The following FAM13A variants were observed in gnomAD, a reference collection of about 807,000 sequenced individuals.
The protein encoded by FAM13A is protein FAM13A.
A neutral mutation model predicts 129.6 loss-of-function variants in FAM13A; 76 were observed. The ratio of observed to expected loss-of-function variants is 0.59; its 90% CI spans 0.49 to 0.71. FAM13A has a LOEUF of 0.71. FAM13A is among the 30% of genes least tolerant of loss of function. FAM13A has a pLI of 0.00. For synonymous variants in FAM13A, 443 were observed against 449.9 expected, an observed-to-expected ratio of 0.98 and a Z score of 0.20; for missense variants, 1,108 against 1,249.3, an observed-to-expected ratio of 0.89 and a Z score of 1.70.
At chr4:88,822,888 T>C in intron 7 of FAM13A, 1 of 1,560,194 alleles carries the variant, frequency 6.4e-7, no homozygotes, top group Non-Finnish European at 8.7e-7. Context: ...AGCATGTTAC[T>C]AAAAGATGCC....
Position 88,869,402 on chromosome 4 carries a change from G to A in FAM13A, c.844-18219C>T, listed in dbSNP as rs1374777428. Among the ~76,000 whole-genome samples the A allele has an allele frequency of 2.0e-5, 3 of 152,092 alleles. No homozygotes were observed. In the South Asian group the frequency reaches 6.2e-4, roughly 32 times the overall value. On this transcript the variant is annotated intron_variant, in intron 6 of 23. Coordinates refer to ENST00000264344, the MANE Select transcript of FAM13A (RefSeq NM_014883.4). ...GCAGGTACTTCTGCTTCTTTCACTG[G>A]GCTTCAGCCTCCTGCAGTGGCCTCC...
At chr4:88,930,255 T>G (rs1436328803) in intron 5 of FAM13A, among the ~76,000 whole-genome samples, 2 of 152,220 alleles carry the variant, frequency 1.3e-5, no homozygotes, top group Non-Finnish European at 2.9e-5. Flanking sequence ...CCTATTTCCA[T>G]GCTTTTTCAT....
At chr4:88,908,980 A>G (rs1748597282) in intron 5 of FAM13A, among the ~76,000 whole-genome samples, 1 of 152,210 alleles carries the variant, frequency 6.6e-6, no homozygotes, top group Non-Finnish European at 1.5e-5. Flanking sequence ...ACCTAAGCAA[A>G]TAACTGGTGA....
chr4:88,754,212 T>C (rs1382399101), intron 14 of FAM13A, among the ~76,000 whole-genome samples: 1 of 152,182 alleles, frequency 6.6e-6, no homozygotes, highest in African/African-American at 2.4e-5. Context: ...CCCAGGTCAG[T>C]TGACATTGCA....
chr4:88,980,182 A>G (rs976509135), intron 4 of FAM13A, among the ~76,000 whole-genome samples: 6 of 152,196 alleles, frequency 3.9e-5, no homozygotes, highest in African/African-American at 1.2e-4. Flanking sequence ...ATCTTTAGTC[A>G]TGTGAGCATG....
At chr4:88,962,776 T>A (rs986344088) in intron 4 of FAM13A, among the ~76,000 whole-genome samples, 1 of 152,082 alleles carries the variant, frequency 6.6e-6, no homozygotes, top group Non-Finnish European at 1.5e-5. Flanking sequence ...TGCATAATAG[T>A]CCCAAATTGA....
chr4:88,856,790 C>T (rs548307668), intron 6 of FAM13A, among the ~76,000 whole-genome samples: 5 of 152,290 alleles, frequency 3.3e-5, no homozygotes, highest in African/African-American at 1.2e-4. Flanking sequence ...GATGGCAAAG[C>T]TTCTTGCCTC....
chr4:88,964,213 C>G (rs1471025209), intron 4 of FAM13A, among the ~76,000 whole-genome samples: 1 of 152,100 alleles, frequency 6.6e-6, no homozygotes, highest in Admixed American at 6.6e-5. Flanking sequence ...TCAATTCAGT[C>G]CAAGAAATAT....
In FAM13A at chr4:89,029,656, G is replaced by A. The variant is rs757824351; in HGVS notation, c.28-7C>T. 1.2e-5 allele frequency: 19 copies of A among 1,568,668 alleles called. No individual in the cohort carries two copies. The Admixed American group carries it at 4.0e-4, about 33-fold the overall frequency. On this transcript the variant is annotated splice_polypyrimidine_tract_variant and splice_region_variant and intron_variant, in intron 1 of 23. Coordinates refer to ENST00000264344, the MANE Select transcript of FAM13A (RefSeq NM_014883.4). ...GAACCGCTGCTTTACTTTGCTTAAA[G>A]GAGCGTAAGAAAAAAGAGCAGTCAG...
chr4:88,767,659 C>A (rs997928275), intron 12 of FAM13A, 64 bp from the exon 13 acceptor site: 1 of 1,245,750 alleles, frequency 8.0e-7, no homozygotes, highest in African/African-American at 1.5e-5. Context: ...CGTTTTTCAT[C>A]CACTGATATT....
chr4:88,769,475 T>C (rs1479461553), intron 11 of FAM13A, among the ~76,000 whole-genome samples: 3 of 152,136 alleles, frequency 2.0e-5, no homozygotes, highest in Non-Finnish European at 4.4e-5. Flanking sequence ...ATCTGGAAAA[T>C]GAAGATGGCA....
intron 11 of FAM13A, among the ~76,000 whole-genome samples, chr4:88,777,337 G>C (rs1721959351): frequency 6.6e-6 from 1 of 152,208 alleles, no homozygotes; most frequent in Admixed American, 6.5e-5. Flanking sequence ...GAGAGCTAGA[G>C]AAATGTGGAA....
chr4:88,821,697 A>G (rs1338263135), intron 7 of FAM13A, among the ~76,000 whole-genome samples: 1 of 152,204 alleles, frequency 6.6e-6, no homozygotes, highest in Non-Finnish European at 1.5e-5. Flanking sequence ...AAGACTCCAC[A>G]AAGTGTTTTA....
Position 88,737,474 on chromosome 4 carries a change from T to G in FAM13A, c.2644A>C (p.Lys882Gln), listed in dbSNP as rs1739232749. Residue 882 changes from lysine (K) to glutamine (Q), a missense_variant and splice_region_variant, in exon 21 of 24, where the codon AAG (lysine) becomes CAG (glutamine). This residue lies in a region of FAM13A where 529 missense variants were observed against 621.2 expected (regional missense o/e 0.85). Transcript: ENST00000264344. ...GGGTTAGCAGCTGGGGTCTTCACCT[T>G]TATCTCCTTGAAGAAGGAAGCAGTT... ...GETASFFKEIKEEEEGSEDDS... is the reference protein window; with the variant it reads ...GETASFFKEIQEEEEGSEDDS... 6 of 1,613,708 alleles carry G rather than the reference T, an allele frequency of 3.7e-6. No homozygotes were observed. Among genetic ancestry groups the G allele is most frequent in the Non-Finnish European group, 5.1e-6 (6 of 1,179,658 alleles).
intron 6 of FAM13A, among the ~76,000 whole-genome samples, chr4:88,876,890 C>T (rs2150107633): frequency 6.6e-6 from 1 of 152,364 alleles, no homozygotes; most frequent in East Asian, 1.9e-4. Context: ...CGCGCCCAGA[C>T]CGCGTCACTT....
intron 4 of FAM13A, among the ~76,000 whole-genome samples, chr4:88,965,334 G>T (rs1759211898): frequency 6.6e-6 from 1 of 152,142 alleles, no homozygotes; most frequent in South Asian, 2.1e-4. Context: ...CTCTAGGATG[G>T]TCCTCTATCA....
chr4:89,047,659 T>G (rs1003322108), intron 1 of FAM13A, among the ~76,000 whole-genome samples: 6 of 152,116 alleles, frequency 3.9e-5, no homozygotes, highest in African/African-American at 1.4e-4. Flanking sequence ...CTAGGCTGGG[T>G]TGGCACAGTA....
intron 7 of FAM13A, among the ~76,000 whole-genome samples, chr4:88,825,229 G>C (rs374803446): frequency 2.3e-5 from 2 of 88,152 alleles, no homozygotes; most frequent in Non-Finnish European, 4.4e-5. Flanking sequence ...TTTTTTTTTG[G>C]GGGGGGGATG....
intron 3 of FAM13A, among the ~76,000 whole-genome samples, chr4:89,016,426 A>G (rs572642357): frequency 5.3e-5 from 8 of 152,192 alleles, no homozygotes; most frequent in Admixed American, 2.0e-4. Flanking sequence ...TTTTAAATAA[A>G]TTTAGTTTAG....
Sources: allele counts gnomAD v4.1 joint callset (sites outside exome capture counted in the v4.1 genomes callset), GRCh38; gene constraint gnomAD v4.1.1; regional missense constraint gnomAD v4.1.1; transcripts MANE v1.5; gene names NCBI Gene and HGNC (gene_info 2026-07-23, HGNC 2026-07-21).